FRMD3: variants seen among roughly 807,000 people sequenced by gnomAD.
FRMD3 encodes FERM domain-containing protein 3.
Under a neutral mutation model 70.2 loss-of-function variants are expected in FRMD3, and 33 were observed. The observed-to-expected ratio is 0.47, with a 90% CI of 0.36 to 0.63. The LOEUF (loss-of-function observed/expected upper bound fraction) is 0.63, where lower values mean the gene tolerates loss of function less well. Among genes scored for constraint, FRMD3 ranks in the 20% least tolerant of loss-of-function variants. FRMD3 has a pLI of 0.00. For synonymous variants in FRMD3, 279 were observed against 255.9 expected (o/e 1.09, Z -0.86); for missense variants, 632 against 711.4 (o/e 0.89, Z 1.27).
chr9:83,521,545 A>C (rs567733666), intron 1 of FRMD3, among the ~76,000 whole-genome samples: 1 of 152,336 alleles, frequency 6.6e-6, no homozygotes, highest in African/African-American at 2.4e-5. Context: ...GGGCTTTTCA[A>C]AAAGCACTGA....
At chr9:83,583,317 G>A in the FRMD3 span, among the ~76,000 whole-genome samples, 2 of 152,110 alleles carry the variant, frequency 1.3e-5, no homozygotes, top group South Asian at 4.2e-4. Flanking sequence ...CCTCAACATA[G>A]AACCAGACAT....
intron 1 of FRMD3, among the ~76,000 whole-genome samples, chr9:83,532,372 G>A (rs1303394849): frequency 6.6e-6 from 1 of 152,054 alleles, no homozygotes; most frequent in Non-Finnish European, 1.5e-5. Flanking sequence ...CCTTTTAGCT[G>A]CCCAGAACCC....
In FRMD3 at chr9:83,248,495, T is replaced by C. The variant is rs751174781; in HGVS notation, c.1217A>G (p.Glu406Gly). 6.2e-7 allele frequency: 1 copy of C among 1,610,412 alleles called. No individual in the cohort carries two copies. ...GGAGATCAAGGGAGCAGAAATGTTCTCCTCTTTAGGCAATGGAACACCTGT... is the reference window on the plus strand; with the variant it reads ...GGAGATCAAGGGAGCAGAAATGTTCCCCTCTTTAGGCAATGGAACACCTGT... ...LGEGVPLPKE[E>G]NISAPLISSS... Residue 406 changes from glutamate to glycine, a missense_variant, in exon 14 of 14, where the codon GAG (glutamate) becomes GGG (glycine). By Grantham distance (98) the Glu-to-Gly change is moderately conservative (BLOSUM62 -2). Transcript: ENST00000304195.
chr9:83,310,770 AT>A (rs2131049976), intron 8 of FRMD3, among the ~76,000 whole-genome samples: 1 of 152,346 alleles, frequency 6.6e-6, no homozygotes, highest in East Asian at 1.9e-4. Context: ...TATTTATTCT[AT>A]TATTTACAGT....
chr9:83,252,251 A>G (rs911237373), intron 13 of FRMD3, among the ~76,000 whole-genome samples: 1 of 152,184 alleles, frequency 6.6e-6, no homozygotes, highest in Middle Eastern at 3.2e-3. Context: ...CCAACCCAGA[A>G]TTTCATCTTT....
At chr9:83,243,124 C>G, downstream of FRMD3, 1 of 1,449,658 alleles carries the variant, frequency 6.9e-7, no homozygotes, top group Non-Finnish European at 9.5e-7. Context: ...ACTTACCCAC[C>G]CAGTCACAGA....
intron 7 of FRMD3, among the ~76,000 whole-genome samples, chr9:83,313,363 T>C (rs976619262): frequency 6.6e-6 from 1 of 152,208 alleles, no homozygotes. Context: ...AAAGTAAATG[T>C]GTCAGGAGCC....
At chr9:83,480,081 A>G (rs1228471650) in intron 1 of FRMD3, among the ~76,000 whole-genome samples, 1 of 152,228 alleles carries the variant, frequency 6.6e-6, no homozygotes, top group Middle Eastern at 3.2e-3. Flanking sequence ...ATGCCATTCC[A>G]TTCTTAGATA....
intron 3 of FRMD3, among the ~76,000 whole-genome samples, chr9:83,359,468 C>A (rs73463659): frequency 0.11 from 16,079 of 152,088 alleles, 983 homozygotes; most frequent in Admixed American, 0.14. Context: ...ATAATGGAAC[C>A]AACCACAGAG....
intron 1 of FRMD3, among the ~76,000 whole-genome samples, chr9:83,430,514 C>T (rs573733389): frequency 1.5e-4 from 23 of 152,270 alleles, no homozygotes; most frequent in African/African-American, 4.3e-4. Context: ...AGTAAGCTGG[C>T]AGATCATAAG....
chr9:83,432,760 T>G (rs12337014), intron 1 of FRMD3, among the ~76,000 whole-genome samples: 2,552 of 152,354 alleles, frequency 0.017, 79 homozygotes, highest in African/African-American at 0.057. Flanking sequence ...TTTAAAAAAA[T>G]TTTAATTTCA....
chr9:83,305,611 A>C (rs1835099729), intron 10 of FRMD3, among the ~76,000 whole-genome samples: 1 of 152,196 alleles, frequency 6.6e-6, no homozygotes, highest in Non-Finnish European at 1.5e-5. Context: ...TGAGGAGGCT[A>C]AGACCAGACA....
intron 1 of FRMD3, among the ~76,000 whole-genome samples, chr9:83,392,557 C>T (rs770511397): frequency 1.3e-5 from 2 of 152,088 alleles, no homozygotes; most frequent in Non-Finnish European, 2.9e-5. Flanking sequence ...CCTCCTGAAC[C>T]TCCTGAAGAT....
At chr9:83,298,680 A>G in intron 12 of FRMD3, 68 bp downstream of exon 12, 1 of 1,142,580 alleles carries the variant, frequency 8.8e-7, no homozygotes, top group Non-Finnish European at 1.3e-6. Context: ...ACACAAAGGG[A>G]TGTTATAGGG....
Position 83,339,081 on chromosome 9 carries a change from G to A in FRMD3, c.473-3442C>T, listed in dbSNP as rs140597230. On this transcript the variant is annotated intron_variant, in intron 5 of 13. Transcript: ENST00000304195. ...CTTGCAGAGTGGTTGGTGAGGGAGGGCATCGTTTTTCAGGGTGCCCTTTTC... is the reference window on the plus strand; with the variant it reads ...CTTGCAGAGTGGTTGGTGAGGGAGGACATCGTTTTTCAGGGTGCCCTTTTC... 3.1e-3 allele frequency among the ~76,000 whole-genome samples: 470 copies of A among 152,272 alleles called. 1 individual carries two copies. Among genetic ancestry groups the A allele is most frequent in the African/African-American group, 0.011 (448 of 41,538 alleles).
chr9:83,301,004 G>A (rs535169162), intron 10 of FRMD3, among the ~76,000 whole-genome samples: 2 of 152,336 alleles, frequency 1.3e-5, no homozygotes, highest in South Asian at 4.1e-4. Context: ...GAAGGGCACT[G>A]GACACAAATA....
At chr9:83,533,576 C>T (rs7855679) in intron 1 of FRMD3, among the ~76,000 whole-genome samples, 20,242 of 152,196 alleles carry the variant, frequency 0.13, 1,521 homozygotes, top group Middle Eastern at 0.22. Flanking sequence ...TGGCATGCTA[C>T]CTTCATGTTG....
chr9:83,368,540 G>C (rs764716622), intron 3 of FRMD3, among the ~76,000 whole-genome samples: 3 of 152,090 alleles, frequency 2.0e-5, no homozygotes, highest in Non-Finnish European at 4.4e-5. Context: ...ATAAGACTTT[G>C]ATTTAAGAAA....
At chr9:83,340,083 G>A (rs1231994275) in intron 5 of FRMD3, among the ~76,000 whole-genome samples, 1 of 152,158 alleles carries the variant, frequency 6.6e-6, no homozygotes, top group Non-Finnish European at 1.5e-5. Flanking sequence ...GTGCACACCT[G>A]TAATCCCAGT....
Sources: gnomAD v4.1 joint callset for allele counts (sites outside exome capture counted in the v4.1 genomes callset) on GRCh38, gnomAD v4.1.1 for gene constraint, MANE v1.5 for transcripts, NCBI Gene and HGNC (gene_info 2026-07-23, HGNC 2026-07-21) for gene names.